Variants in EPB41L2 observed in about 807,000 individuals in gnomAD.
EPB41L2 encodes the protein band 4.1-like protein 2.
Under a neutral mutation model 113.0 loss-of-function variants are expected in EPB41L2, and 43 were observed. The ratio of observed to expected loss-of-function variants is 0.38; its 90% CI spans 0.30 to 0.49. The LOEUF is 0.49. EPB41L2 is among the 20% of genes least tolerant of loss of function. The pLI is 0.95. For synonymous variants in EPB41L2, 442 were observed against 436.7 expected, an observed-to-expected ratio of 1.01 and a Z score of -0.15; for missense variants, 1,147 against 1,223.4, an observed-to-expected ratio of 0.94 and a Z score of 0.93.
chr6:130,904,790 G>A (rs1453717245), intron 5 of EPB41L2, among the ~76,000 whole-genome samples: 1 of 151,972 alleles, frequency 6.6e-6, no homozygotes, highest in Non-Finnish European at 1.5e-5. Flanking sequence ...AACATTTACT[G>A]ATACCTCAAC....
chr6:130,867,522 G>A lies in EPB41L2; in HGVS notation c.2667C>T (p.Ile889=). 2 of 1,613,964 alleles carry A rather than the reference G, an allele frequency of 1.2e-6. No homozygotes were observed. Among genetic ancestry groups the A allele is most frequent in the Non-Finnish European group, 1.7e-6 (2 of 1,179,872 alleles). ...GGACAATGGGGACTTCCTTGGTGGA[G>A]ATTTCTGTCCTTTGTGAGGCATCAG... The part of the protein sequence containing the change: ...TISDASQRTE[I]STKEVPIVQT... The change falls in exon 16 of 20, where the codon ATC becomes ATT. Residue 889 remains isoleucine (I), a synonymous_variant. Transcript: ENST00000337057.
At chr6:131,045,450 T>G (rs1234792343) in intron 1 of EPB41L2, among the ~76,000 whole-genome samples, 1 of 144,936 alleles carries the variant, frequency 6.9e-6, no homozygotes, top group Non-Finnish European at 1.6e-5. Context: ...TGGAGAGAGA[T>G]ATGAGTTAAC....
At position 130,876,792 on chromosome 6, in the gene EPB41L2, T is replaced by C. The variant is rs909083200; in HGVS notation, c.2043+1312A>G. 5.4e-6 allele frequency: 7 copies of C among 1,289,062 alleles called. No homozygotes were observed. The East Asian group carries it at 1.7e-4, about 31-fold the overall frequency. The allele number at this position is 1,289,062 out of a possible 1,614,324, so 79.9% of individuals were successfully genotyped here. ...TCCTTTTCTCTATTGTTTTAAACAA[T>C]AGACATAATCAACAAATAAGACACA... On this transcript the variant is annotated intron_variant, in intron 14 of 19. Coordinates refer to ENST00000337057, the MANE Select transcript of EPB41L2 (RefSeq NM_001431.4).
At chr6:130,930,723 G>A (rs1583573566) in intron 3 of EPB41L2, among the ~76,000 whole-genome samples, 1 of 151,984 alleles carries the variant, frequency 6.6e-6, no homozygotes, top group African/African-American at 2.4e-5. Flanking sequence ...ATCACAAAAC[G>A]ACAAGGAAAC....
At chr6:130,860,995 T>C (rs1047978926) in intron 18 of EPB41L2, among the ~76,000 whole-genome samples, 4 of 152,214 alleles carry the variant, frequency 2.6e-5, no homozygotes, top group African/African-American at 4.8e-5. Flanking sequence ...CTCTTTGATT[T>C]GCCAACACAA....
At chr6:130,955,392 T>C in intron 2 of EPB41L2, 75 bp from the exon 3 acceptor site, 1 of 1,368,460 alleles carries the variant, frequency 7.3e-7, no homozygotes, top group Non-Finnish European at 1.0e-6. Context: ...AAGGAAAATC[T>C]TTCATAAGAA....
Position 130,950,697 on chromosome 6 carries a change from C to A in EPB41L2, c.705+4408G>T, listed in dbSNP as rs537228252. On this transcript the variant is annotated intron_variant, in intron 3 of 19. Transcript: ENST00000337057. ...AACTTTATGAGGATAGAATACAACC[C>A]AGATAACAAAATCTGAGGAAGACAA... is the stretch of plus-strand genomic sequence containing the variant. 2.4e-4 allele frequency among the ~76,000 whole-genome samples: 36 copies of A among 152,130 alleles called. No individual in the cohort carries two copies. In the South Asian group the frequency reaches 7.1e-3, roughly 30 times the overall value.
At chr6:130,865,811 TAGGTGCACATGG>T in intron 16 of EPB41L2, 177 bp from the exon 17 acceptor site, 2 of 590,620 alleles carry the variant, frequency 3.4e-6, no homozygotes, top group Non-Finnish European at 3.0e-6. Flanking sequence ...GGCAAAAGGC[TAGGTGCACATGG>T]AGAAGCAAAC....
chr6:130,895,713 A>G (rs561617155), intron 8 of EPB41L2, among the ~76,000 whole-genome samples: 1 of 152,346 alleles, frequency 6.6e-6, no homozygotes, highest in East Asian at 1.9e-4. Context: ...GCTGACATCC[A>G]GTTCTCATTA....
At chr6:130,994,695 T>C (rs961677021) in intron 1 of EPB41L2, among the ~76,000 whole-genome samples, 3 of 152,274 alleles carry the variant, frequency 2.0e-5, no homozygotes, top group Admixed American at 6.5e-5. Flanking sequence ...CTTAAACATA[T>C]AGAAAAGTAT....
chr6:130,975,983 G>A (rs1417835338), intron 1 of EPB41L2, among the ~76,000 whole-genome samples: 1 of 152,132 alleles, frequency 6.6e-6, no homozygotes, highest in Non-Finnish European at 1.5e-5. Flanking sequence ...AACCAAGATT[G>A]CACCATTGCA....
chr6:130,930,169 T>C (rs746142406), intron 3 of EPB41L2, among the ~76,000 whole-genome samples: 1 of 152,112 alleles, frequency 6.6e-6, no homozygotes, highest in Admixed American at 6.6e-5. Context: ...AAAAACCCTG[T>C]TTCCCATTAT....
At chr6:130,944,059 A>G (rs1811832586) in intron 3 of EPB41L2, among the ~76,000 whole-genome samples, 1 of 152,080 alleles carries the variant, frequency 6.6e-6, no homozygotes, top group Non-Finnish European at 1.5e-5. Context: ...TGAAGTATTT[A>G]TATAACAAGT....
At chr6:130,952,639 G>A (rs1363547719) in intron 3 of EPB41L2, among the ~76,000 whole-genome samples, 8 of 151,962 alleles carry the variant, frequency 5.3e-5, no homozygotes, top group Admixed American at 6.6e-5. Flanking sequence ...GTGGAACCCC[G>A]TCTCTACTAA....
intron 2 of EPB41L2, among the ~76,000 whole-genome samples, chr6:130,955,778 G>T (rs998860423): frequency 6.6e-6 from 1 of 151,170 alleles, no homozygotes; most frequent in African/African-American, 2.4e-5. Context: ...TTACAGACAT[G>T]AATTTTTTAG....
chr6:130,946,878 C>CT (rs1813026888), intron 3 of EPB41L2, among the ~76,000 whole-genome samples: 1 of 151,946 alleles, frequency 6.6e-6, no homozygotes, highest in South Asian at 2.1e-4. Flanking sequence ...AAAGGGGGTA[C>CT]TTTTGTTGAC....
chr6:131,015,312 T>A (rs1044463402), intron 1 of EPB41L2: 4 of 152,222 alleles, frequency 2.6e-5, no homozygotes, highest in African/African-American at 9.6e-5. Context: ...TTGTGTGCTG[T>A]TCACCACTAT....
intron 1 of EPB41L2, among the ~76,000 whole-genome samples, chr6:131,061,648 A>T (rs1015769223): frequency 2.6e-5 from 4 of 152,214 alleles, no homozygotes; most frequent in African/African-American, 9.6e-5. Context: ...AAACCTGTTC[A>T]AAGCTTGAGA....
intron 19 of EPB41L2, among the ~76,000 whole-genome samples, chr6:130,850,623 A>G (rs1778520485): frequency 6.6e-6 from 1 of 152,168 alleles, no homozygotes; most frequent in South Asian, 2.1e-4. Flanking sequence ...GAAATTCTCT[A>G]TCTCTGGGAG....
Sources: allele counts gnomAD v4.1 joint callset (sites outside exome capture counted in the v4.1 genomes callset), GRCh38; gene constraint gnomAD v4.1.1; transcripts MANE v1.5; gene names NCBI Gene and HGNC (gene_info 2026-07-23, HGNC 2026-07-21).